Variants in TPX2 observed in about 807,000 individuals in gnomAD.
TPX2 encodes the protein targeting protein for Xklp2.
TPX2 carries 21 observed loss-of-function variants against 93.6 expected under a neutral mutation model. The ratio of observed to expected loss-of-function variants is 0.22; its 90% CI spans 0.16 to 0.32. The LOEUF is 0.32. Among genes scored for constraint, TPX2 ranks in the 10% least tolerant of loss-of-function variants. The pLI is 1.00. For missense variants in TPX2, 776 were observed against 871.1 expected, an observed-to-expected ratio of 0.89 and a Z score of 1.37; for synonymous variants, 281 against 298.3, an observed-to-expected ratio of 0.94 and a Z score of 0.60.
intron 12 of TPX2, among the ~76,000 whole-genome samples, chr20:31,786,643 A>G (rs1324894332): frequency 2.0e-5 from 3 of 152,190 alleles, no homozygotes; most frequent in African/African-American, 4.8e-5. Flanking sequence ...GTCTCAAGCA[A>G]TCCACCTGCC....
rs573576656 is a variant in TPX2 at position 31,749,046 on chromosome 20, C to T, written c.-71+6399C>T. ...CTGCAACCTCCGCCTCCTGGGTTCA[C>T]GCCATTCTCCTGCCTCAGCCTCCCG... On this transcript the variant is annotated intron_variant, in intron 2 of 17. Coordinates refer to ENST00000300403, the MANE Select transcript of TPX2 (RefSeq NM_012112.5). Among the ~76,000 whole-genome samples the T allele has an allele frequency of 4.5e-3, 684 of 151,316 alleles. 4 individuals are homozygous for T. The highest frequency in any genetic ancestry group is 0.017 in the Middle Eastern group (5 of 290).
At chr20:31,753,142 T>C (rs932679932) in intron 2 of TPX2, among the ~76,000 whole-genome samples, 2 of 152,186 alleles carry the variant, frequency 1.3e-5, no homozygotes, top group Non-Finnish European at 2.9e-5. Context: ...CTATGGAGAA[T>C]GGATTTACTT....
Position 31,777,607 on chromosome 20 carries a change from C to A in TPX2, c.851C>A (p.Thr284Lys), listed in dbSNP as rs758317739. ...NQEEYKEVNF[T>K]SELRKHPSSP... ...GAGGAATATAAGGAAGTGAACTTTA[C>A]ATCTGAACTACGAAAGCATCCTTCA... Residue 284 changes from threonine (T) to lysine (K), a missense_variant, in exon 9 of 18, where the codon ACA (threonine) becomes AAA (lysine). Physicochemically the swap from Thr to Lys is moderately conservative, Grantham distance 78. Around this residue, in one of 3 missense-constraint regions of TPX2, gnomAD observed 461 missense variants for 551.2 expected, o/e 0.84. Transcript: ENST00000300403. The A allele has an allele frequency of 1.9e-6, 3 of 1,614,036 alleles. No homozygotes were observed. In the East Asian group the frequency reaches 6.7e-5, roughly 36 times the overall value.
intron 2 of TPX2, among the ~76,000 whole-genome samples, chr20:31,752,482 T>C (rs961092447): frequency 1.3e-5 from 2 of 152,230 alleles, no homozygotes; most frequent in Non-Finnish European, 2.9e-5. Flanking sequence ...ACTTCAGCCA[T>C]GTTAATTTCT....
chr20:31,745,028 A>C (rs1012770234), intron 2 of TPX2, among the ~76,000 whole-genome samples: 1 of 152,172 alleles, frequency 6.6e-6, no homozygotes, highest in African/African-American at 2.4e-5. Flanking sequence ...TGGAGGTTGC[A>C]GTGAGCCGAG....
rs1245177322 is a variant in TPX2 at position 31,770,462 on chromosome 20, A to T, written c.476A>T (p.Lys159Ile). The T allele has an allele frequency of 6.3e-7, 1 of 1,578,848 alleles. No individual in the cohort carries two copies. The highest frequency in any genetic ancestry group is 1.2e-5 in the South Asian group (1 of 84,444). Residue 159 changes from lysine (K) to isoleucine (I), a missense_variant, in exon 6 of 18, where the codon AAA becomes ATA. Lys to Ile is a moderately radical substitution (Grantham distance 102). Transcript: ENST00000300403. The stretch of plus-strand genomic sequence containing the variant: ...ATCGATGAAATTCTACCCTCTAAGA[A>T]AATGAAAGTGTGAGTAGCCACAACT... ...VIIDEILPSK[K>I]MKVSNNKKKP...
At chr20:31,799,921 AGAAGT>A (rs1284415497) in intron 17 of TPX2, among the ~76,000 whole-genome samples, 54 of 147,406 alleles carry the variant, frequency 3.7e-4, no homozygotes, top group Non-Finnish European at 6.4e-4. Context: ...AAAAAAAAAA[AGAAGT>A]GTAAGTTGTT....
chr20:31,759,395 C>CAT (rs2061873023), intron 3 of TPX2, among the ~76,000 whole-genome samples: 1 of 126,608 alleles, frequency 7.9e-6, no homozygotes, highest in African/African-American at 3.4e-5. Context: ...AGTTTTCTTT[C>CAT]GTTTTTTTTT....
chr20:31,746,838 T>C (rs1390031873), intron 2 of TPX2, among the ~76,000 whole-genome samples: 1 of 152,214 alleles, frequency 6.6e-6, no homozygotes, highest in Non-Finnish European at 1.5e-5. Context: ...TTACATTGCT[T>C]TGTCTGCAAT....
At chr20:31,782,457 T>C in intron 11 of TPX2, 67 bp downstream of exon 11, 1 of 1,531,652 alleles carries the variant, frequency 6.5e-7, no homozygotes, top group Non-Finnish European at 8.8e-7. Flanking sequence ...TCAGTTCTGT[T>C]AGGGTGACAG....
At chr20:31,788,803 G>T (rs2062083083) in intron 12 of TPX2, among the ~76,000 whole-genome samples, 1 of 152,184 alleles carries the variant, frequency 6.6e-6, no homozygotes, top group African/African-American at 2.4e-5. Context: ...AGGTGGATGT[G>T]GTGTCAGTGA....
intron 4 of TPX2, among the ~76,000 whole-genome samples, chr20:31,761,850 G>A (rs1183076470): frequency 6.6e-6 from 1 of 152,040 alleles, no homozygotes; most frequent in African/African-American, 2.4e-5. Flanking sequence ...CATAATAGCT[G>A]TACTAATTGA....
chr20:31,742,121 A>G (rs925402086), intron 1 of TPX2, among the ~76,000 whole-genome samples: 1 of 152,192 alleles, frequency 6.6e-6, no homozygotes, highest in African/African-American at 2.4e-5. Context: ...TTACTTTGGA[A>G]ATTAAAAATA....
In TPX2 at chr20:31,771,721, G is replaced by C. The variant is rs2274581; in HGVS notation, c.608+39G>C. 7 of 1,583,630 alleles carry C rather than the reference G, an allele frequency of 4.4e-6. No homozygotes were observed. In the East Asian group the frequency reaches 1.1e-4, roughly 25 times the overall value. On this transcript the variant is annotated intron_variant, in intron 7 of 17. Transcript: ENST00000300403. ...CTGAATTTAAACTTTAGAATGAATG[G>C]TATAAAATTACAGATTTACATCTAC...
intron 8 of TPX2, among the ~76,000 whole-genome samples, chr20:31,776,580 C>T (rs1431048857): frequency 6.6e-6 from 1 of 150,422 alleles, no homozygotes; most frequent in East Asian, 2.0e-4. Flanking sequence ...GGCTGGAGTG[C>T]AGTGGCGTGA....
chr20:31,771,119 G>A lies in TPX2; in HGVS notation c.486-441G>A, dbSNP rs536109639. Among the ~76,000 whole-genome samples the A allele has an allele frequency of 1.8e-4, 27 of 152,190 alleles. 1 individual carries two copies. The highest frequency in any genetic ancestry group is 3.4e-3 in the Middle Eastern group (1 of 294). ...GCAACCCTTAAATTTCATTTCATTC[G>A]CCTAGACTTGTGTCACTTGGATTCC... On this transcript the variant is annotated intron_variant, in intron 6 of 17. Coordinates refer to ENST00000300403, the MANE Select transcript of TPX2 (RefSeq NM_012112.5).
At chr20:31,760,220 T>G (rs760146758) in intron 4 of TPX2, 41 bp downstream of exon 4, 3 of 1,609,228 alleles carry the variant, frequency 1.9e-6, no homozygotes, top group East Asian at 4.5e-5. Context: ...GATAGAATGG[T>G]GGGACAGTGT....
intron 12 of TPX2, among the ~76,000 whole-genome samples, chr20:31,790,680 T>G (rs1192205974): frequency 6.6e-6 from 1 of 152,184 alleles, no homozygotes; most frequent in South Asian, 2.1e-4. Context: ...AAGGTATAAA[T>G]TCTGTTACTC....
chr20:31,777,414 C>A, intron 8 of TPX2, 73 bp from the exon 9 acceptor site: 1 of 1,526,876 alleles, frequency 6.5e-7, no homozygotes, highest in Non-Finnish European at 8.9e-7. Context: ...AGCAAAAGGA[C>A]TGGAGTAAAG....
Sources: gnomAD v4.1 joint callset for allele counts (sites outside exome capture counted in the v4.1 genomes callset) on GRCh38, gnomAD v4.1.1 for gene constraint, gnomAD v4.1.1 regional missense constraint, MANE v1.5 for transcripts, NCBI Gene and HGNC (gene_info 2026-07-23, HGNC 2026-07-21) for gene names.